The following ATRX variants were observed in gnomAD, a reference collection of about 807,000 sequenced individuals.
The protein encoded by ATRX is ATRX chromatin remodeler.
Under a neutral mutation model 172.6 loss-of-function variants are expected in ATRX, and 12 were observed. The observed-to-expected ratio is 0.07, with a 90% confidence interval of 0.04 to 0.11. ATRX has a LOEUF of 0.11. Ranked by LOEUF, ATRX falls within the 10% of genes least tolerant of loss-of-function variation. The pLI is 1.00. For missense variants in ATRX, 1,368 were observed against 1,767.4 expected, an observed-to-expected ratio of 0.77 and a Z score of 4.05; for synonymous variants, 674 against 594.7, an observed-to-expected ratio of 1.13 and a Z score of -1.94.
In ATRX at chrX:77,682,040, A is replaced by G; in HGVS notation, c.3216T>C (p.Asp1072=). Residue 1072 remains aspartate, a synonymous_variant, in exon 9 of 35, where the codon GAT becomes GAC. Coordinates refer to ENST00000373344, the MANE Select transcript of ATRX (RefSeq NM_000489.6). ...DYAEKSTGKG[D]SCDSSEDKKS... ...TTTTATCCTCTGAAGAGTCACAACT[A>G]TCTCCTTTCCCTGTTGACTTCTCAG... 8.3e-7 allele frequency: 1 copy of G among 1,210,341 alleles called. No homozygotes were observed. Among genetic ancestry groups the G allele is most frequent in the Non-Finnish European group, 1.1e-6 (1 of 894,605 alleles).
intron 1 of ATRX, among the ~76,000 whole-genome samples, chrX:77,737,170 C>A (rs1378456736): frequency 9.1e-6 from 1 of 110,354 alleles, no homozygotes; most frequent in African/African-American, 3.3e-5. Context: ...CACACCTGTA[C>A]TCCCAGCACT....
chrX:77,578,273 C>G (rs1557071750), intron 27 of ATRX, among the ~76,000 whole-genome samples: 1 of 111,635 alleles, frequency 9.0e-6, no homozygotes, highest in African/African-American at 3.3e-5. Flanking sequence ...CTGTAAAGGG[C>G]TTGGAGCCAG....
intron 1 of ATRX, among the ~76,000 whole-genome samples, chrX:77,756,855 G>A (rs2075519372): frequency 9.1e-6 from 1 of 109,546 alleles, no homozygotes; most frequent in African/African-American, 3.3e-5. Flanking sequence ...GCACAAAATC[G>A]GCTCACTGCA....
intron 2 of ATRX, among the ~76,000 whole-genome samples, chrX:77,709,806 T>C (rs961893932): frequency 6.4e-5 from 7 of 110,217 alleles, no homozygotes; most frequent in South Asian, 3.8e-4. Flanking sequence ...AAAATGTAAA[T>C]GTAGTTTAAT....
intron 1 of ATRX, among the ~76,000 whole-genome samples, chrX:77,717,601 CAA>C (rs1266020316): frequency 5.7e-4 from 19 of 33,277 alleles, no homozygotes; most frequent in Admixed American, 1.2e-3. Flanking sequence ...GACCCTGTCT[CAA>C]AAAAAAAAAA....
In ATRX at chrX:77,548,359, G is replaced by A. The variant is rs1197747445; in HGVS notation, c.6699+9092C>T. ...TTTTATACTAGTAAATACAAAGATA[G>A]GAATAATATTCAAACTTGTTTTATT... On this transcript the variant is annotated intron_variant, in intron 30 of 34. Coordinates refer to ENST00000373344, the MANE Select transcript of ATRX (RefSeq NM_000489.6). Among the ~76,000 whole-genome samples the A allele has an allele frequency of 2.7e-5, 3 of 110,552 alleles. No homozygotes were observed. The Admixed American group carries it at 2.9e-4, about 11-fold the overall frequency.
intron 1 of ATRX, among the ~76,000 whole-genome samples, chrX:77,750,088 C>A (rs782465054): frequency 6.3e-5 from 7 of 111,750 alleles, no homozygotes; most frequent in Non-Finnish European, 1.3e-4. Flanking sequence ...GAGTACAGTA[C>A]AATAAGATAT....
chrX:77,698,243 C>CTT (rs2072296390), intron 3 of ATRX, among the ~76,000 whole-genome samples: 1 of 111,324 alleles, frequency 9.0e-6, no homozygotes, highest in African/African-American at 3.3e-5. Context: ...TTAGCAGACT[C>CTT]TAGATACCAA....
intron 1 of ATRX, among the ~76,000 whole-genome samples, chrX:77,749,831 G>A (rs1169697395): frequency 4.5e-5 from 5 of 110,856 alleles, no homozygotes; most frequent in African/African-American, 1.6e-4. Flanking sequence ...ACATCCCTTT[G>A]TCCAGTGTAT....
intron 5 of ATRX, among the ~76,000 whole-genome samples, chrX:77,695,061 C>A (rs199618436): frequency 3.3e-5 from 3 of 89,955 alleles, no homozygotes; most frequent in South Asian, 5.5e-4. Context: ...ACAACAACGA[C>A]AAAAAAAAAA....
At chrX:77,757,755 T>C (rs1382619195) in intron 1 of ATRX, among the ~76,000 whole-genome samples, 17 of 106,943 alleles carry the variant, frequency 1.6e-4, no homozygotes, top group African/African-American at 5.8e-4. Context: ...CACTGCAACC[T>C]CCACCCTCTG....
intron 34 of ATRX, among the ~76,000 whole-genome samples, chrX:77,519,697 A>G (rs920939887): frequency 8.9e-6 from 1 of 112,072 alleles, no homozygotes; most frequent in Admixed American, 9.5e-5. Flanking sequence ...ACTTGTGTAC[A>G]CTGTTGTTAG....
At chrX:77,558,181 A>C (rs926281074) in intron 29 of ATRX, among the ~76,000 whole-genome samples, 4 of 111,079 alleles carry the variant, frequency 3.6e-5, no homozygotes, top group African/African-American at 1.3e-4. Flanking sequence ...CATTATATTA[A>C]ATGTATATTA....
chrX:77,585,583 C>CAAAAAAAAAAA (rs781792876), intron 27 of ATRX, among the ~76,000 whole-genome samples: 92 of 8,553 alleles, frequency 0.011, 39 homozygotes, highest in East Asian at 0.019. Flanking sequence ...CTCCCCCCAC[C>CAAAAAAAAAAA]AAAAAAAAAA....
At chrX:77,631,179 G>C (rs2068088799) in intron 19 of ATRX, among the ~76,000 whole-genome samples, 1 of 104,977 alleles carries the variant, frequency 9.5e-6, no homozygotes, top group Non-Finnish European at 1.9e-5. Flanking sequence ...AGCTCCCAAT[G>C]GTCAAAGTGA....
intron 1 of ATRX, among the ~76,000 whole-genome samples, chrX:77,763,065 G>A (rs1267605038): frequency 9.0e-6 from 1 of 111,232 alleles, no homozygotes; most frequent in East Asian, 2.8e-4. Context: ...TCAACTAACT[G>A]CAAGATGATA....
In ATRX at chrX:77,508,429, C is replaced by T. The variant is rs782416494; in HGVS notation, c.7401G>A (p.Met2467Ile). 36 of 1,208,118 alleles carry T rather than the reference C, an allele frequency of 3.0e-5. No individual in the cohort carries two copies. Among genetic ancestry groups the T allele is most frequent in the Non-Finnish European group, 3.7e-5 (33 of 893,545 alleles). ...GTGCACGCTGTAATGGTGGTGGCTG[C>T]ATACCACCAGCCACTGGCTGATACA... is the stretch of plus-strand genomic sequence containing the variant. ...RGMYQPVAGG[M>I]QPPPLQRAPP... Residue 2467 changes from methionine (M) to isoleucine (I), a missense_variant, in exon 35 of 35, where the codon ATG becomes ATA. Physicochemically the swap from Met to Ile is conservative, Grantham distance 10 (BLOSUM62 1). Around this residue, in one of 17 missense-constraint regions of ATRX, gnomAD observed 100 missense variants for 153.9 expected, o/e 0.65. Transcript: ENST00000373344.
chrX:77,601,788 G>A (rs2048343761), intron 22 of ATRX, among the ~76,000 whole-genome samples: 1 of 111,719 alleles, frequency 9.0e-6, no homozygotes, highest in Admixed American at 9.5e-5. Context: ...ATTTAGTAGT[G>A]ATATGAAACA....
rs1244422748 is a variant in ATRX, at chrX:77,717,225, T to C, written c.39A>G (p.Thr13=). ...AEPMSESKLN[T]LVQKLHDFLA... ...GGAAGTCATGAAGCTTCTGCACCAA[T>C]GTATTCAACTTGCTTTCACTATTAA... Residue 13 remains threonine, a synonymous_variant, in exon 2 of 35, where the codon ACA becomes ACG. Coordinates refer to ENST00000373344, the MANE Select transcript of ATRX (RefSeq NM_000489.6). The C allele has an allele frequency of 6.6e-6, 8 of 1,206,738 alleles. No individual in the cohort carries two copies. The African/African-American group carries it at 1.4e-4, about 21-fold the overall frequency.
Sources: gnomAD v4.1 joint callset for allele counts (sites outside exome capture counted in the v4.1 genomes callset) on GRCh38, gnomAD v4.1.1 for gene constraint, gnomAD v4.1.1 regional missense constraint, MANE v1.5 for transcripts, NCBI Gene and HGNC (gene_info 2026-07-23, HGNC 2026-07-21) for gene names.